The following ENPP2 variants were observed in gnomAD, a reference collection of about 807,000 sequenced individuals.
ENPP2 encodes the protein ectonucleotide pyrophosphatase/phosphodiesterase 2.
In ENPP2, 51 loss-of-function variants were observed where a neutral mutation model predicts 120.2. The ratio of observed to expected loss-of-function variants is 0.42; its 90% confidence interval spans 0.34 to 0.54. The LOEUF (loss-of-function observed/expected upper bound fraction) is 0.54, where lower values mean the gene tolerates loss of function less well. ENPP2 is among the 20% of genes least tolerant of loss of function. The probability of loss-of-function intolerance (pLI) is 0.04; values close to 1 mark genes in which losing one functional copy is unlikely to be tolerated. For synonymous variants in ENPP2, 365 were observed against 366.4 expected (o/e 1.00, Z 0.04); for missense variants, 920 against 1,066.5 (o/e 0.86, Z 1.91).
At position 119,634,116 on chromosome 8, in the gene ENPP2, G is replaced by T. The variant is rs191329879; in HGVS notation, c.136+4309C>A. Among the ~76,000 whole-genome samples the T allele has an allele frequency of 1.2e-3, 188 of 152,236 alleles. 1 individual carries two copies. Among genetic ancestry groups the T allele is most frequent in the Non-Finnish European group, 2.0e-3 (136 of 68,014 alleles). The stretch of plus-strand genomic sequence containing the variant: ...GAGAATCACTTGAACCTGGGAGGTG[G>T]AGGTTGCAGTTAGCTGAGATCACGC... On this transcript the variant is annotated intron_variant, in intron 2 of 24. Transcript: ENST00000075322.
intron 19 of ENPP2, among the ~76,000 whole-genome samples, chr8:119,574,627 G>A (rs1812209358): frequency 1.3e-5 from 2 of 152,064 alleles, no homozygotes; most frequent in Non-Finnish European, 2.9e-5. Flanking sequence ...CGTAGAGACT[G>A]GAGTTTGTGT....
At chr8:119,563,671 C>T (rs942901937) in intron 23 of ENPP2, among the ~76,000 whole-genome samples, 6 of 152,080 alleles carry the variant, frequency 3.9e-5, no homozygotes, top group Middle Eastern at 3.4e-3. Flanking sequence ...AATTCCTTGC[C>T]TGGTTTTCTA....
rs12114595 is a variant in ENPP2, at chr8:119,592,819, C to T, written c.1081+933G>A. 8.4e-3 allele frequency: 1,410 copies of T among 168,702 alleles called. 25 individuals are homozygous for T. The highest frequency in any genetic ancestry group is 0.036 in the African/African-American group (1,352 of 37,612). The allele number at this position is 168,702 out of a possible 1,614,324, so 10.5% of individuals were successfully genotyped here. A position where few individuals can be genotyped will look rare whatever the true frequency, so the allele number is the denominator to read the frequency against. On this transcript the variant is annotated intron_variant, in intron 12 of 24. Coordinates refer to ENST00000075322, the MANE Select transcript of ENPP2 (RefSeq NM_001040092.3). ...CCACTCAAGAGGAGAAAGCTAATCC[C>T]TTTGGCTTTTTTTTTTTTTTTTTTT...
At chr8:119,597,104 T>G (rs1813950175) in intron 11 of ENPP2, among the ~76,000 whole-genome samples, 1 of 152,154 alleles carries the variant, frequency 6.6e-6, no homozygotes, top group South Asian at 2.1e-4. Context: ...TTTCACTGTT[T>G]CCAGGGCAAG....
intron 1 of ENPP2, chr8:119,673,198 G>T: frequency 7.0e-7 from 1 of 1,427,346 alleles, no homozygotes; most frequent in Non-Finnish European, 9.5e-7. Context: ...AATGGCAGCT[G>T]TGACCTGGGA....
chr8:119,560,916 G>C (rs537676354), intron 24 of ENPP2, among the ~76,000 whole-genome samples: 6 of 152,102 alleles, frequency 3.9e-5, no homozygotes, highest in Non-Finnish European at 7.3e-5. Context: ...GCCTCATACT[G>C]TGGTTATATG....
At chr8:119,643,868 A>C (rs1335400654) in intron 1 of ENPP2, among the ~76,000 whole-genome samples, 1 of 152,186 alleles carries the variant, frequency 6.6e-6, no homozygotes, top group Non-Finnish European at 1.5e-5. Flanking sequence ...CTGCGATTGG[A>C]AGGGTGTGTG....
chr8:119,650,333 G>T (rs1426661841), intron 1 of ENPP2, among the ~76,000 whole-genome samples: 1 of 152,174 alleles, frequency 6.6e-6, no homozygotes, highest in African/African-American at 2.4e-5. Context: ...AGATGATGGG[G>T]TATTGACCGA....
chr8:119,656,915 T>TTTTTA (rs1290255654), intron 1 of ENPP2, among the ~76,000 whole-genome samples: 2 of 152,066 alleles, frequency 1.3e-5, no homozygotes, highest in African/African-American at 2.4e-5. Flanking sequence ...ATAATATCGT[T>TTTTTA]TTTTATTTTA....
At chr8:119,629,130 C>T (rs1039472857) in intron 2 of ENPP2, among the ~76,000 whole-genome samples, 2 of 151,456 alleles carry the variant, frequency 1.3e-5, no homozygotes, top group Non-Finnish European at 2.9e-5. Flanking sequence ...TACATATGCA[C>T]AAAATATATG....
intron 23 of ENPP2, among the ~76,000 whole-genome samples, chr8:119,564,361 C>A (rs1048607838): frequency 2.0e-5 from 3 of 152,156 alleles, no homozygotes; most frequent in African/African-American, 7.2e-5. Context: ...TTCCCACCAC[C>A]AATGCCCATT....
chr8:119,650,051 T>C (rs1322847644), intron 1 of ENPP2, among the ~76,000 whole-genome samples: 1 of 152,162 alleles, frequency 6.6e-6, no homozygotes, highest in Non-Finnish European at 1.5e-5. Flanking sequence ...GAAGTAAACA[T>C]ACATCCACAC....
At chr8:119,591,732 T>C (rs996682614) in intron 12 of ENPP2, among the ~76,000 whole-genome samples, 1 of 152,146 alleles carries the variant, frequency 6.6e-6, no homozygotes, top group African/African-American at 2.4e-5. Context: ...TTAATACAAA[T>C]TGGAATGAAA....
intron 12 of ENPP2, chr8:119,592,920 C>T: frequency 2.2e-6 from 2 of 905,310 alleles, no homozygotes; most frequent in Non-Finnish European, 2.6e-6. Context: ...GGGAGATTTG[C>T]CTACCATTCT....
intron 19 of ENPP2, among the ~76,000 whole-genome samples, chr8:119,577,032 A>G (rs937496377): frequency 6.6e-6 from 1 of 152,196 alleles, no homozygotes; most frequent in Non-Finnish European, 1.5e-5. Context: ...TCGTTTCACT[A>G]TTGGAACATG....
At chr8:119,648,313 T>C (rs1817532744) in intron 1 of ENPP2, among the ~76,000 whole-genome samples, 1 of 152,234 alleles carries the variant, frequency 6.6e-6, no homozygotes, top group Non-Finnish European at 1.5e-5. Flanking sequence ...AGTAGTGACA[T>C]GGGTTCTAAG....
Position 119,562,868 on chromosome 8 carries a change from C to T in ENPP2, c.2410G>A (p.Glu804Lys). Residue 804 changes from glutamate to lysine, a missense_variant, in exon 24 of 25, where the codon GAG becomes AAG. Transcript: ENST00000075322. ...FILPHRPDNE[E>K]SCNSSEDESK... ...CTCTGTAAACTCACATTGCAGCTCTCCTCGTTGTCAGGCCGGTGAGGCAGG... is the reference window on the plus strand; with the variant it reads ...CTCTGTAAACTCACATTGCAGCTCTTCTCGTTGTCAGGCCGGTGAGGCAGG... The T allele has an allele frequency of 6.2e-7, 1 of 1,614,016 alleles. No individual in the cohort carries two copies. The highest frequency in any genetic ancestry group is 8.5e-7 in the Non-Finnish European group (1 of 1,179,960).
At chr8:119,607,611 G>A (rs965334605) in intron 9 of ENPP2, among the ~76,000 whole-genome samples, 1 of 151,466 alleles carries the variant, frequency 6.6e-6, no homozygotes, top group Admixed American at 6.6e-5. Context: ...GGAGGCAGAG[G>A]TTGCAGTGAG....
intron 8 of ENPP2, among the ~76,000 whole-genome samples, chr8:119,613,982 C>T (rs1815288158): frequency 6.7e-6 from 1 of 149,830 alleles, no homozygotes; most frequent in Non-Finnish European, 1.5e-5. Flanking sequence ...TAGAACAATA[C>T]TTTGTCTATA....
Sources: allele counts gnomAD v4.1 joint callset (sites outside exome capture counted in the v4.1 genomes callset), GRCh38; gene constraint gnomAD v4.1.1; transcripts MANE v1.5; gene names NCBI Gene and HGNC (gene_info 2026-07-23, HGNC 2026-07-21).